Variants in ALMS1 observed in about 807,000 individuals in gnomAD.
ALMS1 encodes ALMS1 centrosome and basal body associated protein.
In ALMS1, 271 loss-of-function variants were observed where a neutral mutation model predicts 352.2. The ratio of observed to expected loss-of-function variants is 0.77; its 90% CI spans 0.70 to 0.85. The LOEUF (loss-of-function observed/expected upper bound fraction) is 0.85. Among genes scored for constraint, ALMS1 ranks in the 40% least tolerant of loss-of-function variants. ALMS1 has a pLI of 0.00. For synonymous variants in ALMS1, 1,865 were observed against 1,761.2 expected (o/e 1.06, Z -1.48); for missense variants, 5,445 against 4,870.7 (o/e 1.12, Z -3.51).
At chr2:73,517,165 C>G (rs1003227423) in intron 10 of ALMS1, among the ~76,000 whole-genome samples, 1 of 148,964 alleles carries the variant, frequency 6.7e-6, no homozygotes, top group Admixed American at 6.7e-5. Flanking sequence ...GTGATATATT[C>G]TAGATATTAC....
chr2:73,553,438 G>A (rs1339911396), intron 13 of ALMS1, among the ~76,000 whole-genome samples: 3 of 152,246 alleles, frequency 2.0e-5, no homozygotes, highest in Non-Finnish European at 2.9e-5. Flanking sequence ...GGAAAAAGTC[G>A]AATTTGTAGG....
chr2:73,588,541 C>G (rs1675357223), intron 16 of ALMS1, among the ~76,000 whole-genome samples: 1 of 152,030 alleles, frequency 6.6e-6, no homozygotes, highest in South Asian at 2.1e-4. Flanking sequence ...TGTCTCCCTT[C>G]TGCAGTTCTG....
At chr2:73,522,709 C>T (rs1242362813) in intron 11 of ALMS1, among the ~76,000 whole-genome samples, 3 of 152,078 alleles carry the variant, frequency 2.0e-5, no homozygotes, top group African/African-American at 4.8e-5. Flanking sequence ...CCTTGTGATC[C>T]GCCCACCTTG....
chr2:73,609,763 G>A lies in ALMS1; in HGVS notation c.*151G>A. 1 of 790,062 alleles carries A rather than the reference G, an allele frequency of 1.3e-6. No homozygotes were observed. The highest frequency in any genetic ancestry group is 2.1e-6 in the Non-Finnish European group (1 of 476,352). The allele number at this position is 790,062 out of a possible 1,614,324, so 48.9% of individuals were successfully genotyped here. The stretch of plus-strand genomic sequence containing the variant: ...ACTTCTAAAGAGTCTGGAACAAAGT[G>A]GTGATTAAAATTCCTAATGGTTTGG... On this transcript the variant is annotated 3_prime_UTR_variant, in exon 23 of 23. Transcript: ENST00000613296.
chr2:73,450,611 G>C lies in ALMS1; in HGVS notation c.4084G>C (p.Val1362Leu), dbSNP rs534858351. Residue 1362 changes from valine to leucine, a missense_variant, in exon 8 of 23, where the codon GTT becomes CTT. Val to Leu is a conservative substitution (Grantham distance 32). Coordinates refer to ENST00000613296, the MANE Select transcript of ALMS1 (RefSeq NM_001378454.1). ...HPTEEALKIS[V>L]ASEPVDQTTG... is the part of the protein sequence containing the mutation. Reference sequence around the variant, plus strand: ...AACTGAAGAGGCTCTGAAAATTTCAGTTGCCTCTGAACCAGTTGACCAGAC... The same window carrying C: ...AACTGAAGAGGCTCTGAAAATTTCACTTGCCTCTGAACCAGTTGACCAGAC... The C allele has an allele frequency of 6.2e-7, 1 of 1,612,146 alleles. No individual in the cohort carries two copies. Among genetic ancestry groups the C allele is most frequent in the South Asian group, 1.1e-5 (1 of 90,972 alleles).
intron 6 of ALMS1, among the ~76,000 whole-genome samples, chr2:73,431,792 A>C (rs1206434072): frequency 6.6e-6 from 1 of 152,106 alleles, no homozygotes; most frequent in East Asian, 1.9e-4. Context: ...TCCACAGTGC[A>C]CCTCTCTACC....
At chr2:73,420,198 T>G (rs1671256874) in intron 3 of ALMS1, among the ~76,000 whole-genome samples, 1 of 152,194 alleles carries the variant, frequency 6.6e-6, no homozygotes, top group African/African-American at 2.4e-5. Flanking sequence ...AACAAATATC[T>G]AAGTGCCTCC....
intron 16 of ALMS1, among the ~76,000 whole-genome samples, chr2:73,598,374 A>G (rs1675596483): frequency 6.6e-6 from 1 of 152,120 alleles, no homozygotes; most frequent in African/African-American, 2.4e-5. Context: ...CTTGCAAATT[A>G]TCTGATTCGT....
At chr2:73,444,414 C>A (rs1258972900) in intron 7 of ALMS1, among the ~76,000 whole-genome samples, 1 of 152,210 alleles carries the variant, frequency 6.6e-6, no homozygotes, top group Non-Finnish European at 1.5e-5. Flanking sequence ...CTTTTCACAA[C>A]ACCAGCAGTT....
chr2:73,440,050 G>A (rs1019370270), intron 7 of ALMS1, among the ~76,000 whole-genome samples: 2 of 151,818 alleles, frequency 1.3e-5, no homozygotes, highest in African/African-American at 4.8e-5. Flanking sequence ...GTGCTATCTC[G>A]GCTCACTGCA....
In ALMS1 at chr2:73,450,806, A is replaced by G. The variant is rs1671919780; in HGVS notation, c.4279A>G (p.Thr1427Ala). Residue 1427 changes from threonine (T) to alanine (A), a missense_variant, in exon 8 of 23, where the codon ACT becomes GCT. By Grantham distance (58) the Thr-to-Ala change is moderately conservative. Coordinates refer to ENST00000613296, the MANE Select transcript of ALMS1 (RefSeq NM_001378454.1). The stretch of plus-strand genomic sequence containing the variant: ...GACTGGGATACCAACTTTACCCTCT[A>G]CTTTCTACTCACACACAGAGAAGCC... ...RKTGIPTLPSTFYSHTEKPGS... is the reference protein window; with the variant it reads ...RKTGIPTLPSAFYSHTEKPGS... 12 of 1,612,230 alleles carry G rather than the reference A, an allele frequency of 7.4e-6. No homozygotes were observed. Among genetic ancestry groups the G allele is most frequent in the East Asian group, 2.2e-5 (1 of 44,788 alleles).
chr2:73,497,361 T>C (rs1208174089), intron 10 of ALMS1, among the ~76,000 whole-genome samples: 3 of 152,160 alleles, frequency 2.0e-5, no homozygotes, highest in South Asian at 2.1e-4. Context: ...ATAAGTTCTT[T>C]AGTGGTGATT....
At chr2:73,503,173 G>A (rs1430978907) in intron 10 of ALMS1, among the ~76,000 whole-genome samples, 1 of 151,816 alleles carries the variant, frequency 6.6e-6, no homozygotes, top group African/African-American at 2.4e-5. Context: ...GTGTATACAT[G>A]TGCCATGCTG....
chr2:73,455,094 T>C (rs976542280), intron 8 of ALMS1, 68 bp from the exon 9 acceptor site: 82 of 1,533,950 alleles, frequency 5.3e-5, no homozygotes, highest in South Asian at 5.6e-5. Flanking sequence ...GATGATCTTC[T>C]GTGTTGCAAT....
In ALMS1 at chr2:73,419,130, A is replaced by C; in HGVS notation, c.458A>C (p.Glu153Ala). Residue 153 changes from glutamate (E) to alanine (A), a missense_variant, in exon 3 of 23, where the codon GAA becomes GCA. Physicochemically the swap from Glu to Ala is moderately radical, Grantham distance 107. Coordinates refer to ENST00000613296, the MANE Select transcript of ALMS1 (RefSeq NM_001378454.1). ...QRGSGDDQKT[E>A]SWHCLPQEMD... is the part of the protein sequence containing the mutation. ...CCTTTAACATTTTTCTAGAAAACAG[A>C]ATCTTGGCATTGTCTTCCTCAAGAA... 1 of 1,613,666 alleles carries C rather than the reference A, an allele frequency of 6.2e-7. No individual in the cohort carries two copies. The highest frequency in any genetic ancestry group is 8.5e-7 in the Non-Finnish European group (1 of 1,179,626).
Position 73,451,151 on chromosome 2 carries a change from C to A in ALMS1, c.4624C>A (p.Gln1542Lys). The A allele has an allele frequency of 6.2e-7, 1 of 1,614,046 alleles. No homozygotes were observed. Among genetic ancestry groups the A allele is most frequent in the Non-Finnish European group, 8.5e-7 (1 of 1,179,980 alleles). The change falls in exon 8 of 23, where the codon CAA becomes AAA. Residue 1542 changes from glutamine to lysine, a missense_variant. Gln to Lys is a moderately conservative substitution (Grantham distance 53, BLOSUM62 1). Coordinates refer to ENST00000613296, the MANE Select transcript of ALMS1 (RefSeq NM_001378454.1). ...SFYQLALLGS[Q>K]IPEEALRVSS... ...CTACCAACTGGCATTGCTAGGTAGT[C>A]AAATACCTGAAGAGGCTCTCAGAGT...
intron 13 of ALMS1, among the ~76,000 whole-genome samples, chr2:73,556,699 G>T (rs1573017635): frequency 1.4e-5 from 2 of 143,988 alleles, no homozygotes; most frequent in African/African-American, 5.2e-5. Flanking sequence ...TTTTTAGAAT[G>T]TTTTTATTTT....
intron 9 of ALMS1, among the ~76,000 whole-genome samples, chr2:73,464,229 T>G (rs560105025): frequency 6.6e-5 from 10 of 152,008 alleles, no homozygotes; most frequent in African/African-American, 2.4e-4. Context: ...CAGCAGCACA[T>G]CAAAAAGCTT....
intron 16 of ALMS1, among the ~76,000 whole-genome samples, chr2:73,592,288 C>G (rs979517879): frequency 6.6e-6 from 1 of 152,198 alleles, no homozygotes; most frequent in African/African-American, 2.4e-5. Flanking sequence ...TAGATAGTTA[C>G]CACCTGAGTT....
Sources: gnomAD v4.1 joint callset for allele counts (sites outside exome capture counted in the v4.1 genomes callset) on GRCh38, gnomAD v4.1.1 for gene constraint, MANE v1.5 for transcripts, NCBI Gene and HGNC (gene_info 2026-07-23, HGNC 2026-07-21) for gene names.